TRPV1: variants seen among roughly 807,000 people sequenced by gnomAD.
TRPV1 encodes transient receptor potential cation channel subfamily V member 1, also known as OTRPC1.
Under a neutral mutation model 82.3 loss-of-function variants are expected in TRPV1, and 82 were observed. The ratio of observed to expected loss-of-function variants is 1.00; its 90% CI spans 0.83 to 1.20. The LOEUF (loss-of-function observed/expected upper bound fraction) is 1.20. Ranked by LOEUF, TRPV1 falls within the 50% of genes most tolerant of loss-of-function variation. The pLI is 0.00. For synonymous variants in TRPV1, 515 were observed against 467.7 expected (o/e 1.10, Z -1.30); for missense variants, 1,067 against 1,096.8 (o/e 0.97, Z 0.38).
At chr17:3,576,061 CAA>C (rs35246256) in intron 13 of TRPV1, among the ~76,000 whole-genome samples, 8 of 144,512 alleles carry the variant, frequency 5.5e-5, no homozygotes, top group Admixed American at 6.9e-5. Context: ...ACTAAAAATA[CAA>C]AAAAAAAAAA....
chr17:3,575,401 T>C (rs1269029780), intron 13 of TRPV1, among the ~76,000 whole-genome samples: 3 of 151,864 alleles, frequency 2.0e-5, no homozygotes, highest in Non-Finnish European at 4.4e-5. Flanking sequence ...GAGAATTGCT[T>C]GAACCTGGGA....
At chr17:3,600,620 G>T (rs1249763042) in intron 2 of TRPV1, among the ~76,000 whole-genome samples, 1 of 152,072 alleles carries the variant, frequency 6.6e-6, no homozygotes, top group Admixed American at 6.6e-5. Flanking sequence ...ACAAAAGACA[G>T]CACCATTTCC....
In TRPV1 at chr17:3,588,351, A is replaced by C; in HGVS notation, c.1061T>G (p.Leu354Arg). The change falls in exon 8 of 17, where the codon CTC (leucine) becomes CGC (arginine). Residue 354 changes from leucine (L) to arginine (R), a missense_variant. Leu to Arg is a moderately radical substitution (Grantham distance 102). Coordinates refer to ENST00000572705, the MANE Select transcript of TRPV1 (RefSeq NM_080704.4). ...CTCGGGCTCCTGGATCTCCCGCTGG[A>C]GAATATAGGCCAAGACCTGCCCCCG... ...TGKIGVLAYILQREIQEPECR... is the reference protein window; with the variant it reads ...TGKIGVLAYIRQREIQEPECR... 1 of 1,559,464 alleles carries C rather than the reference A, an allele frequency of 6.4e-7. No individual in the cohort carries two copies. Among genetic ancestry groups the C allele is most frequent in the South Asian group, 1.2e-5 (1 of 84,462 alleles).
At chr17:3,581,282 A>C (rs2075006086) in intron 10 of TRPV1, among the ~76,000 whole-genome samples, 1 of 152,060 alleles carries the variant, frequency 6.6e-6, no homozygotes, top group African/African-American at 2.4e-5. Context: ...CATGCCGAGC[A>C]TATTTTTTTC....
intron 16 of TRPV1, 46 bp from the exon 17 acceptor site, chr17:3,567,033 T>C (rs770588719): frequency 6.3e-7 from 1 of 1,598,420 alleles, no homozygotes; most frequent in Non-Finnish European, 8.5e-7. Context: ...AAAACAAACA[T>C]TCACTTCTTG....
intron 9 of TRPV1, among the ~76,000 whole-genome samples, chr17:3,584,262 T>TCAAAAAA (rs767738139): frequency 2.7e-5 from 4 of 148,970 alleles, no homozygotes; most frequent in Non-Finnish European, 4.4e-5. Flanking sequence ...AGACTCTGTC[T>TCAAAAAA]CAAAAAACAA....
intron 9 of TRPV1, chr17:3,585,530 A>T: frequency 2.0e-6 from 1 of 496,652 alleles, no homozygotes; most frequent in Non-Finnish European, 3.6e-6. Context: ...ACAGGACCTC[A>T]AGGTTAAAGG....
chr17:3,575,034 A>G (rs2150829571), intron 13 of TRPV1, among the ~76,000 whole-genome samples: 1 of 152,316 alleles, frequency 6.6e-6, no homozygotes, highest in East Asian at 1.9e-4. Flanking sequence ...AGAGGATAGT[A>G]AGGATTATAA....
intron 3 of TRPV1, 83 bp from the exon 4 acceptor site, chr17:3,591,436 C>T (rs958354247): frequency 6.1e-6 from 9 of 1,478,068 alleles, no homozygotes; most frequent in South Asian, 1.4e-5. Context: ...GGGAACACGA[C>T]TAAATCCCAA....
chr17:3,567,505 G>A (rs1003973926), intron 16 of TRPV1, among the ~76,000 whole-genome samples: 3 of 151,996 alleles, frequency 2.0e-5, no homozygotes, highest in African/African-American at 4.8e-5. Flanking sequence ...AGAGCCTCAT[G>A]CACTCTCGCT....
At chr17:3,582,023 T>C (rs958780960) in intron 10 of TRPV1, among the ~76,000 whole-genome samples, 7 of 145,378 alleles carry the variant, frequency 4.8e-5, no homozygotes, top group Non-Finnish European at 7.5e-5. Flanking sequence ...ACCCCGTCTC[T>C]ACTAAAAATA....
intron 2 of TRPV1, among the ~76,000 whole-genome samples, chr17:3,604,064 C>T (rs2075281686): frequency 6.6e-6 from 1 of 152,252 alleles, no homozygotes; most frequent in African/African-American, 2.4e-5. Context: ...ATGCCAACAA[C>T]AAATGTTGAG....
rs1300088426 is a variant in TRPV1 at position 3,592,256 on chromosome 17, C to T, written c.95G>A (p.Arg32Lys). 3 of 1,609,028 alleles carry T rather than the reference C, an allele frequency of 1.9e-6. No homozygotes were observed. Among genetic ancestry groups the T allele is most frequent in the South Asian group, 2.2e-5 (2 of 90,278 alleles). Residue 32 changes from arginine to lysine, a missense_variant, in exon 3 of 17, where the codon AGG becomes AAG. Physicochemically the swap from Arg to Lys is conservative, Grantham distance 26 (BLOSUM62 2). Transcript: ENST00000572705. The part of the protein sequence containing the change: ...PDPLDGDPNS[R>K]PPPAKPQLST... ...GAGCTGGGGCTTGGCTGGAGGTGGC[C>T]TGGAGTTAGGGTCTCCATCCAGGGG... is the stretch of plus-strand genomic sequence containing the variant.
chr17:3,573,633 C>A lies in TRPV1; in HGVS notation c.2103G>T (p.Gln701His). ...CCACCCCCCAACTCCACCCACCCAC[C>A]TGCAGCTTCCAGATGTTCTTGCTCT... ...AQESKNIWKL[Q>H]RAITILDTEK... is the part of the protein sequence containing the mutation. Residue 701 changes from glutamine (Q) to histidine (H), a missense_variant and splice_region_variant, in exon 14 of 17, where the codon CAG (glutamine) becomes CAT (histidine). Coordinates refer to ENST00000572705, the MANE Select transcript of TRPV1 (RefSeq NM_080704.4). The A allele has an allele frequency of 1.9e-6, 3 of 1,611,676 alleles. No individual in the cohort carries two copies. The highest frequency in any genetic ancestry group is 2.2e-5 in the South Asian group (2 of 90,764).
chr17:3,573,859 C>T lies in TRPV1; in HGVS notation c.1877G>A (p.Ser626Asn). The T allele has an allele frequency of 6.2e-7, 1 of 1,613,058 alleles. No individual in the cohort carries two copies. The highest frequency in any genetic ancestry group is 1.7e-5 in the Admixed American group (1 of 59,962). The change falls in exon 14 of 17, where the codon AGC becomes AAC. Residue 626 changes from serine (S) to asparagine (N), a missense_variant. Physicochemically the swap from Ser to Asn is conservative, Grantham distance 46. Coordinates refer to ENST00000572705, the MANE Select transcript of TRPV1 (RefSeq NM_080704.4). ...GGTGGAGTACAGGCTGTTGTAGGAG[C>T]TATCGGGGGGCCTGCAGGCAGGCCC... ...WRGPACRPPD[S>N]SYNSLYSTCL... is the part of the protein sequence containing the mutation.
chr17:3,574,407 G>A (rs1162892849), intron 13 of TRPV1, among the ~76,000 whole-genome samples: 5 of 152,190 alleles, frequency 3.3e-5, no homozygotes, highest in African/African-American at 9.6e-5. Flanking sequence ...GCTGTGCATC[G>A]TGGTTGCTGC....
intron 13 of TRPV1, among the ~76,000 whole-genome samples, chr17:3,575,415 C>T (rs879754537): frequency 4.6e-5 from 7 of 151,520 alleles, no homozygotes; most frequent in Admixed American, 4.6e-4. Flanking sequence ...CCTGGGAGGC[C>T]GAGGTTGCAG....
In TRPV1 at chr17:3,590,122, C is replaced by T; in HGVS notation, c.746-17G>A. 6.3e-7 allele frequency: 1 copy of T among 1,594,554 alleles called. No individual in the cohort carries two copies. Among genetic ancestry groups the T allele is most frequent in the South Asian group, 1.1e-5 (1 of 87,964 alleles). On this transcript the variant is annotated splice_polypyrimidine_tract_variant and intron_variant, in intron 6 of 16. Coordinates refer to ENST00000572705, the MANE Select transcript of TRPV1 (RefSeq NM_080704.4). ...GCAGTTCACCTGCATGAACACAGGG[C>T]CCAGGTGGGCCTCAGGAGTGAGATC...
intron 2 of TRPV1, chr17:3,592,587 G>A (rs981177062): frequency 8.5e-6 from 5 of 586,630 alleles, no homozygotes; most frequent in Non-Finnish European, 1.2e-5. Flanking sequence ...GGCCTAGCAG[G>A]GCCCAGGCAG....
Sources: allele counts gnomAD v4.1 joint callset (sites outside exome capture counted in the v4.1 genomes callset), GRCh38; gene constraint gnomAD v4.1.1; transcripts MANE v1.5; gene names NCBI Gene and HGNC (gene_info 2026-07-23, HGNC 2026-07-21).